The following ADCY1 variants were observed in gnomAD, a reference collection of about 807,000 sequenced individuals.
ADCY1 encodes adenylate cyclase 1.
In ADCY1, 28 loss-of-function variants were observed where a neutral mutation model predicts 105.4. That is an observed-to-expected ratio of 0.27 (90% CI 0.20 to 0.36). The LOEUF is 0.36. ADCY1 is among the 10% of genes least tolerant of loss of function. The probability of loss-of-function intolerance (pLI) is 1.00; values close to 1 mark genes in which losing one functional copy is unlikely to be tolerated. For missense variants in ADCY1, 977 were observed against 1,434.2 expected, an observed-to-expected ratio of 0.68 and a Z score of 5.15; for synonymous variants, 655 against 623.8, an observed-to-expected ratio of 1.05 and a Z score of -0.75.
At chr7:45,707,842 A>G (rs1693904497) in intron 17 of ADCY1, among the ~76,000 whole-genome samples, 1 of 152,224 alleles carries the variant, frequency 6.6e-6, no homozygotes, top group Admixed American at 6.5e-5. Flanking sequence ...TTAATTTTTA[A>G]AAAGCATTAG....
At chr7:45,613,904 A>C (rs1187993640) in intron 3 of ADCY1, among the ~76,000 whole-genome samples, 1 of 152,206 alleles carries the variant, frequency 6.6e-6, no homozygotes, top group Non-Finnish European at 1.5e-5. Context: ...GAGCAAGAAT[A>C]CTATGCCTAG....
intron 8 of ADCY1, among the ~76,000 whole-genome samples, chr7:45,666,441 C>T (rs1420325414): frequency 6.6e-6 from 1 of 152,180 alleles, no homozygotes; most frequent in African/African-American, 2.4e-5. Flanking sequence ...CAGCTTCATC[C>T]ATGTCCCTAC....
At chr7:45,641,075 G>T (rs1794514056) in intron 4 of ADCY1, among the ~76,000 whole-genome samples, 1 of 152,142 alleles carries the variant, frequency 6.6e-6, no homozygotes, top group Non-Finnish European at 1.5e-5. Context: ...ATTTCCAAAA[G>T]GGACTCATGG....
In ADCY1 at chr7:45,655,540, A is replaced by G. The variant is rs373423026; in HGVS notation, c.1149-2187A>G. 3.3e-5 allele frequency among the ~76,000 whole-genome samples: 5 copies of G among 152,380 alleles called. No individual in the cohort carries two copies. In the East Asian group the frequency reaches 9.6e-4, roughly 29 times the overall value. On this transcript the variant is annotated intron_variant, in intron 5 of 19. Transcript: ENST00000297323. ...AGGAATGGTGAAACCAAGAGGAGTC[A>G]CTATGAGAACAGTTCTGGGTGCATC...
intron 4 of ADCY1, among the ~76,000 whole-genome samples, chr7:45,630,169 A>G (rs993432782): frequency 1.3e-5 from 2 of 152,324 alleles, no homozygotes; most frequent in African/African-American, 2.4e-5. Context: ...TGTTCTACAT[A>G]TAAGTCCTCC....
chr7:45,633,386 AACTC>A (rs1794312566), intron 4 of ADCY1, among the ~76,000 whole-genome samples: 1 of 152,198 alleles, frequency 6.6e-6, no homozygotes, highest in African/African-American at 2.4e-5. Context: ...AGTTTGGAAA[AACTC>A]ACAGATGAAC....
intron 3 of ADCY1, among the ~76,000 whole-genome samples, chr7:45,615,363 C>T (rs550539136): frequency 3.9e-5 from 6 of 152,108 alleles, no homozygotes; most frequent in East Asian, 1.9e-4. Context: ...TTTGGGAGGC[C>T]GGGGTGGGAG....
intron 1 of ADCY1, among the ~76,000 whole-genome samples, chr7:45,584,492 C>T (rs577751315): frequency 4.1e-4 from 63 of 152,352 alleles, no homozygotes; most frequent in Middle Eastern, 3.4e-3. Context: ...CAGAGCCCCC[C>T]GCTGCCCCCT....
chr7:45,676,281 A>G (rs1258952899), intron 8 of ADCY1, among the ~76,000 whole-genome samples: 1 of 152,092 alleles, frequency 6.6e-6, no homozygotes, highest in East Asian at 1.9e-4. Flanking sequence ...TGTGTTCATA[A>G]TTACTTATTG....
intron 7 of ADCY1, among the ~76,000 whole-genome samples, 195 bp from the exon 8 acceptor site, chr7:45,661,864 G>T (rs1455298651): frequency 6.6e-6 from 1 of 152,146 alleles, no homozygotes; most frequent in Non-Finnish European, 1.5e-5. Flanking sequence ...CGTTTTGGAC[G>T]TGGCCCTCCC....
intron 2 of ADCY1, among the ~76,000 whole-genome samples, chr7:45,608,047 G>A (rs762580381): frequency 3.3e-5 from 5 of 152,150 alleles, no homozygotes; most frequent in African/African-American, 7.2e-5. Context: ...ACTAATTTAC[G>A]TTTCCCACCA....
At chr7:45,665,802 C>G (rs185728899) in intron 8 of ADCY1, among the ~76,000 whole-genome samples, 35 of 152,318 alleles carry the variant, frequency 2.3e-4, no homozygotes, top group Non-Finnish European at 4.4e-4. Flanking sequence ...AGGGATGTGA[C>G]TTTACCACTG....
rs1785153782 is a variant in ADCY1, at chr7:45,708,028, T to C, written c.2818-322T>C. On this transcript the variant is annotated intron_variant, in intron 17 of 19. Transcript: ENST00000297323. This position sits in a 1 kb window ranked among gnomAD's most constrained non-coding sequence, Gnocchi z 4.7. The stretch of plus-strand genomic sequence containing the variant: ...GCATGCATCTCTGTCCTTGTTTTGC[T>C]CATTTGCAATGGCCATTAGCAACGC... Among the ~76,000 whole-genome samples, 1 of 152,194 alleles carries C rather than the reference T, an allele frequency of 6.6e-6. No individual in the cohort carries two copies. Among genetic ancestry groups the C allele is most frequent in the Admixed American group, 6.5e-5 (1 of 15,288 alleles).
intron 3 of ADCY1, among the ~76,000 whole-genome samples, chr7:45,619,973 A>G (rs571745886): frequency 2.0e-5 from 3 of 152,354 alleles, no homozygotes; most frequent in African/African-American, 7.2e-5. Context: ...ACATATACAC[A>G]TGAGTAAACA....
chr7:45,684,325 C>A (rs1784624156), intron 11 of ADCY1: 1 of 152,204 alleles, frequency 6.6e-6, no homozygotes, highest in Non-Finnish European at 1.5e-5. Flanking sequence ...AATGATCTGA[C>A]CTCATGTGGG....
chr7:45,602,167 G>C (rs1793256623), intron 2 of ADCY1, among the ~76,000 whole-genome samples: 1 of 151,678 alleles, frequency 6.6e-6, no homozygotes, highest in Non-Finnish European at 1.5e-5. Context: ...TGGTAAGCGT[G>C]AGCTCTGCCT....
chr7:45,578,257 G>A (rs1792410987), intron 1 of ADCY1, among the ~76,000 whole-genome samples: 1 of 152,164 alleles, frequency 6.6e-6, no homozygotes, highest in African/African-American at 2.4e-5. Flanking sequence ...TGAGCAGAGA[G>A]GTCTTTAGGG....
At chr7:45,586,021 G>A (rs1419726903) in intron 1 of ADCY1, among the ~76,000 whole-genome samples, 1 of 152,120 alleles carries the variant, frequency 6.6e-6, no homozygotes, top group Admixed American at 6.5e-5. Flanking sequence ...TTTGATGGGA[G>A]CTGTCCCCAG....
intron 1 of ADCY1, among the ~76,000 whole-genome samples, chr7:45,583,965 T>TTTC (rs1562673134): frequency 6.8e-6 from 1 of 146,794 alleles, no homozygotes. Flanking sequence ...TTTTTTTTTT[T>TTTC]CAGACAAAGT....
Sources: allele counts gnomAD v4.1 joint callset (sites outside exome capture counted in the v4.1 genomes callset), GRCh38; gene constraint gnomAD v4.1.1; non-coding constraint Gnocchi (gnomAD v3.1); transcripts MANE v1.5; gene names NCBI Gene and HGNC (gene_info 2026-07-23, HGNC 2026-07-21).